Variants in RBFOX1 observed in about 807,000 individuals in gnomAD.
RBFOX1 encodes the protein RNA binding fox-1 homolog 1, also known as RNA binding protein fox-1 homolog 1.
A neutral mutation model predicts 57.7 loss-of-function variants in RBFOX1; 8 were observed. That is an observed-to-expected ratio of 0.14 (90% CI 0.08 to 0.25). The LOEUF (loss-of-function observed/expected upper bound fraction) is 0.25, where lower values mean the gene tolerates loss of function less well. RBFOX1 is among the 10% of genes least tolerant of loss of function. RBFOX1 has a pLI of 1.00. For missense variants in RBFOX1, 611 were observed against 548.5 expected (o/e 1.11, Z -1.14); for synonymous variants, 326 against 222.4 (o/e 1.47, Z -4.15).
At chr16:5,853,723 G>A (rs866666002) in intron 3 of RBFOX1, among the ~76,000 whole-genome samples, 1 of 152,126 alleles carries the variant, frequency 6.6e-6, no homozygotes, top group African/African-American at 2.4e-5. Flanking sequence ...GAGGCAGGGT[G>A]GTACCCTAGC....
intron 4 of RBFOX1, among the ~76,000 whole-genome samples, chr16:5,991,265 C>G (rs755129792): frequency 1.3e-5 from 2 of 152,190 alleles, no homozygotes; most frequent in African/African-American, 2.4e-5. Context: ...CAAGACCACA[C>G]AGGCAGGAAG....
At chr16:5,281,496 A>G (rs2151148760) in intron 1 of RBFOX1, among the ~76,000 whole-genome samples, 1 of 152,304 alleles carries the variant, frequency 6.6e-6, no homozygotes, top group Non-Finnish European at 1.5e-5. Context: ...TTATATCTAG[A>G]TGAACTGTCC....
intron 2 of RBFOX1, among the ~76,000 whole-genome samples, chr16:6,521,475 C>G (rs1246999013): frequency 7.6e-6 from 1 of 130,868 alleles, no homozygotes; most frequent in African/African-American, 2.9e-5. Context: ...CCTCTCTTCT[C>G]TTCCTCTCCC....
At chr16:7,206,529 C>T (rs1472508906) in intron 4 of RBFOX1, among the ~76,000 whole-genome samples, 1 of 151,858 alleles carries the variant, frequency 6.6e-6, no homozygotes, top group Non-Finnish European at 1.5e-5. Context: ...CTTGCAAGCT[C>T]TCAAAAATGA....
chr16:7,394,677 T>C (rs777026819), intron 4 of RBFOX1, among the ~76,000 whole-genome samples: 10 of 152,192 alleles, frequency 6.6e-5, no homozygotes, highest in Non-Finnish European at 1.2e-4. Flanking sequence ...GATCAGGCAG[T>C]TTCGGAGACC....
intron 10 of RBFOX1, among the ~76,000 whole-genome samples, chr16:7,619,659 T>G (rs1040849454): frequency 2.0e-5 from 3 of 152,168 alleles, no homozygotes; most frequent in African/African-American, 7.2e-5. Flanking sequence ...TTACAGCATC[T>G]TAGAGGCTCT....
At chr16:5,816,467 C>T (rs1254284342) in intron 3 of RBFOX1, among the ~76,000 whole-genome samples, 1 of 152,190 alleles carries the variant, frequency 6.6e-6, no homozygotes, top group African/African-American at 2.4e-5. Flanking sequence ...CATAGCCTCT[C>T]ATGAAACTAG....
chr16:6,170,513 T>C (rs1442491971), intron 1 of RBFOX1, among the ~76,000 whole-genome samples: 2 of 152,220 alleles, frequency 1.3e-5, no homozygotes, highest in East Asian at 3.8e-4. Context: ...GTTGATTGTA[T>C]TCCATGTCAA....
At chr16:6,710,835 A>C (rs1004841315) in intron 3 of RBFOX1, among the ~76,000 whole-genome samples, 2 of 152,190 alleles carry the variant, frequency 1.3e-5, no homozygotes, top group African/African-American at 4.8e-5. Flanking sequence ...CTGTAGCAAA[A>C]ACAAATTTGG....
Position 6,787,795 on chromosome 16 carries a change from A to G in RBFOX1, c.-16+133145A>G, listed in dbSNP as rs548097079. Among the ~76,000 whole-genome samples, 4 of 152,346 alleles carry G rather than the reference A, an allele frequency of 2.6e-5. No homozygotes were observed. The South Asian group carries it at 6.2e-4, about 24-fold the overall frequency. On this transcript the variant is annotated intron_variant, in intron 3 of 15. Coordinates refer to ENST00000550418, the MANE Select transcript of RBFOX1 (RefSeq NM_018723.4). ...GTTGTAAAGGACTTAGTCTTCCTCC[A>G]TAATACAACTTAATCCACGTCTACT...
intron 3 of RBFOX1, among the ~76,000 whole-genome samples, chr16:5,649,211 G>C (rs1162376583): frequency 6.6e-6 from 1 of 151,860 alleles, no homozygotes; most frequent in African/African-American, 2.4e-5. Flanking sequence ...GTCTTTCTCT[G>C]TCACCCAGGT....
chr16:7,638,414 C>T (rs553045136), intron 11 of RBFOX1, among the ~76,000 whole-genome samples: 2 of 26,866 alleles, frequency 7.4e-5, no homozygotes, highest in African/African-American at 1.4e-4. Context: ...CTTCACTACT[C>T]TCTCAACTTA....
chr16:6,993,360 T>C (rs927758400), intron 3 of RBFOX1, among the ~76,000 whole-genome samples: 1 of 152,152 alleles, frequency 6.6e-6, no homozygotes, highest in East Asian at 1.9e-4. Flanking sequence ...ATAGGGCAAA[T>C]CCTCATTTAG....
At chr16:7,088,926 A>T (rs972720417) in intron 4 of RBFOX1, among the ~76,000 whole-genome samples, 1 of 152,154 alleles carries the variant, frequency 6.6e-6, no homozygotes, top group African/African-American at 2.4e-5. Context: ...GCTTCCCTCC[A>T]GTCCCTGCTC....
At chr16:5,550,341 A>C (rs1170400264) in intron 2 of RBFOX1, among the ~76,000 whole-genome samples, 3 of 152,096 alleles carry the variant, frequency 2.0e-5, no homozygotes, top group Non-Finnish European at 4.4e-5. Context: ...CTTACCCACC[A>C]CTGTTGCTAC....
chr16:7,456,675 A>G (rs1033982139), intron 4 of RBFOX1, among the ~76,000 whole-genome samples: 6 of 152,016 alleles, frequency 3.9e-5, no homozygotes, highest in African/African-American at 1.2e-4. Flanking sequence ...GCATCACCCA[A>G]CGGTCTTCCT....
chr16:6,575,730 G>C (rs1242299033), intron 2 of RBFOX1, among the ~76,000 whole-genome samples: 1 of 151,746 alleles, frequency 6.6e-6, no homozygotes, highest in South Asian at 2.1e-4. Context: ...GGTAGCAGAC[G>C]CCTGTAATCC....
At chr16:6,722,459 C>G (rs746066847) in intron 3 of RBFOX1, among the ~76,000 whole-genome samples, 43 of 152,302 alleles carry the variant, frequency 2.8e-4, no homozygotes, top group Non-Finnish European at 5.3e-4. Flanking sequence ...CCATCCACTC[C>G]TTTCTGATGA....
chr16:7,629,718 T>A (rs758923090), intron 10 of RBFOX1, among the ~76,000 whole-genome samples: 4 of 152,216 alleles, frequency 2.6e-5, no homozygotes, highest in Non-Finnish European at 5.9e-5. Context: ...AGGAGGTATC[T>A]CAGGATTCCA....
Sources: allele counts gnomAD v4.1 joint callset (sites outside exome capture counted in the v4.1 genomes callset), GRCh38; gene constraint gnomAD v4.1.1; transcripts MANE v1.5; gene names NCBI Gene and HGNC (gene_info 2026-07-23, HGNC 2026-07-21).